Variants in SH2D3C observed in about 807,000 individuals in gnomAD.
SH2D3C encodes SH2 domain containing 3C.
Under a neutral mutation model 75.2 loss-of-function variants are expected in SH2D3C, and 25 were observed. That is an observed-to-expected ratio of 0.33 (90% confidence interval 0.24 to 0.46). The LOEUF is 0.46. SH2D3C is among the 20% of genes least tolerant of loss of function. The pLI is 1.00. For synonymous variants in SH2D3C, 450 were observed against 473.7 expected (o/e 0.95, Z 0.65); for missense variants, 933 against 1,165.3 (o/e 0.80, Z 2.90).
Position 127,745,040 on chromosome 9 carries a change from C to T in SH2D3C, c.1324G>A (p.Val442Ile). 1 of 1,511,018 alleles carries T rather than the reference C, an allele frequency of 6.6e-7. No individual in the cohort carries two copies. The allele number at this position is 1,511,018 out of a possible 1,614,324, so 93.6% of individuals were successfully genotyped here. A position where few individuals can be genotyped will look rare whatever the true frequency, so the allele number is the denominator to read the frequency against. Residue 442 changes from valine (V) to isoleucine (I), a missense_variant, in exon 7 of 12, where the codon GTC (valine) becomes ATC (isoleucine). Physicochemically the swap from Val to Ile is conservative, Grantham distance 29. Transcript: ENST00000314830. The part of the protein sequence containing the change: ...PSATALPASP[V>I]ARRSSEPQLC... Reference sequence around the variant, plus strand: ...TGGGGCTCACTGGAACGGCGGGCGACAGGGGAGGCAGGCAATGCTGTGGCA... The same window carrying T: ...TGGGGCTCACTGGAACGGCGGGCGATAGGGGAGGCAGGCAATGCTGTGGCA...
intron 2 of SH2D3C, among the ~76,000 whole-genome samples, chr9:127,763,400 T>C (rs1281284840): frequency 6.6e-6 from 1 of 152,204 alleles, no homozygotes; most frequent in Non-Finnish European, 1.5e-5. Flanking sequence ...ACACAGTGCC[T>C]GCAGGAGCTC....
rs1287795430 is a variant in SH2D3C at position 127,747,119 on chromosome 9, C to G, written c.1264+28G>C. ...AGTCTTCAACAACAGATTCCCTCCA[C>G]CTGCTCCACCCCCTCTGCTGGCCAT... On this transcript the variant is annotated intron_variant, in intron 6 of 11. Coordinates refer to ENST00000314830, the MANE Select transcript of SH2D3C (RefSeq NM_170600.3). 3 of 1,606,180 alleles carry G rather than the reference C, an allele frequency of 1.9e-6. No homozygotes were observed. The South Asian group carries it at 3.3e-5, about 18-fold the overall frequency.
chr9:127,766,461 A>G (rs942070206), intron 2 of SH2D3C, among the ~76,000 whole-genome samples: 1 of 152,236 alleles, frequency 6.6e-6, no homozygotes, highest in Non-Finnish European at 1.5e-5. Context: ...TTCCTGGCCC[A>G]TGTGGGGCTC....
Position 127,751,130 on chromosome 9 carries a change from T to A in SH2D3C, c.684+42A>T. Reference sequence around the variant, plus strand: ...GGCTGGGGCTGGCCAAGGCAGTGGGTGGGAGGGTCCCGGGTTGAAGTCCAG... The same window carrying A: ...GGCTGGGGCTGGCCAAGGCAGTGGGAGGGAGGGTCCCGGGTTGAAGTCCAG... On this transcript the variant is annotated intron_variant, in intron 4 of 11. Coordinates refer to ENST00000314830, the MANE Select transcript of SH2D3C (RefSeq NM_170600.3). The surrounding 1 kb of genome is among the most constrained non-coding windows in gnomAD (Gnocchi z 4.1). The A allele has an allele frequency of 6.2e-7, 1 of 1,608,428 alleles. No homozygotes were observed. Among genetic ancestry groups the A allele is most frequent in the Non-Finnish European group, 8.5e-7 (1 of 1,177,630 alleles).
rs556688621 is a variant in SH2D3C at position 127,777,707 on chromosome 9, G to A, written c.37+884C>T. ...CAGTGGACTGCAGAGATCGAGAGAC[G>A]CGGTGGGGAGACAAAGAGACGGATA... is the stretch of plus-strand genomic sequence containing the variant. On this transcript the variant is annotated intron_variant, in intron 1 of 11. Coordinates refer to ENST00000314830, the MANE Select transcript of SH2D3C (RefSeq NM_170600.3). Among the ~76,000 whole-genome samples the A allele has an allele frequency of 1.7e-3, 263 of 152,256 alleles. 2 individuals are homozygous for A. Among genetic ancestry groups the A allele is most frequent in the African/African-American group, 5.9e-3 (245 of 41,540 alleles).
In SH2D3C at chr9:127,767,303, T is replaced by C. The variant is rs1023171413; in HGVS notation, c.516-5653A>G. 4 of 1,437,578 alleles carry C rather than the reference T, an allele frequency of 2.8e-6. No individual in the cohort carries two copies. The African/African-American group carries it at 5.7e-5, about 21-fold the overall frequency. 89.1% of individuals were successfully genotyped at this position (1,437,578 alleles called of 1,614,324 possible). A position where few individuals can be genotyped will look rare whatever the true frequency, so the allele number is the denominator to read the frequency against. ...AAGAAGAGAGAAAAGAAAAGGCATCTACTGAGTGCTAGTGGATGAGGGAAC... is the reference window on the plus strand; with the variant it reads ...AAGAAGAGAGAAAAGAAAAGGCATCCACTGAGTGCTAGTGGATGAGGGAAC... On this transcript the variant is annotated intron_variant, in intron 2 of 11. Coordinates refer to ENST00000314830, the MANE Select transcript of SH2D3C (RefSeq NM_170600.3).
Position 127,751,283 on chromosome 9 carries a change from G to A in SH2D3C, c.573C>T (p.Tyr191=). The A allele has an allele frequency of 6.2e-7, 1 of 1,613,800 alleles. No individual in the cohort carries two copies. The highest frequency in any genetic ancestry group is 1.1e-5 in the South Asian group (1 of 91,076). ...SDYVKFSKEK[Y]ILDSSPEKLH... ...GTTTCTCTGGCGATGAGTCCAGGATGTACTTCTCCTTGGAGAACTGGGTAG... is the reference window on the plus strand; with the variant it reads ...GTTTCTCTGGCGATGAGTCCAGGATATACTTCTCCTTGGAGAACTGGGTAG... The change falls in exon 4 of 12, where the codon TAC becomes TAT. Residue 191 remains tyrosine, a synonymous_variant. Coordinates refer to ENST00000314830, the MANE Select transcript of SH2D3C (RefSeq NM_170600.3). This position sits in a 1 kb window ranked among gnomAD's most constrained non-coding sequence, Gnocchi z 4.1.
rs1844865775 is a variant in SH2D3C at position 127,741,818 on chromosome 9, C to T, written c.2058G>A (p.Ala686=). The stretch of plus-strand genomic sequence containing the variant: ...CCATGTCCAGGGCACCCATGACCGC[C>T]GCGAAGCTGAACATGTTGCCCATAG... ...RGTMGNMFSF[A]AVMGALDMAQ... Residue 686 remains alanine, a synonymous_variant, in exon 9 of 12, where the codon GCG becomes GCA. Coordinates refer to ENST00000314830, the MANE Select transcript of SH2D3C (RefSeq NM_170600.3). 6.2e-7 allele frequency: 1 copy of T among 1,613,198 alleles called. No homozygotes were observed. The highest frequency in any genetic ancestry group is 8.5e-7 in the Non-Finnish European group (1 of 1,180,022).
intron 2 of SH2D3C, among the ~76,000 whole-genome samples, chr9:127,773,524 A>G (rs57550595): frequency 0.034 from 5,210 of 152,282 alleles, 304 homozygotes; most frequent in African/African-American, 0.12. Context: ...GGAAACAGTA[A>G]CAGTCTCTCC....
intron 2 of SH2D3C, among the ~76,000 whole-genome samples, chr9:127,767,756 C>T (rs1011526339): frequency 3.3e-5 from 5 of 152,216 alleles, no homozygotes; most frequent in Admixed American, 6.5e-5. Context: ...TGACATATCC[C>T]GTCCTCACAG....
At chr9:127,743,402 T>G (rs35000896) in intron 7 of SH2D3C, among the ~76,000 whole-genome samples, 2 of 151,972 alleles carry the variant, frequency 1.3e-5, no homozygotes, top group Non-Finnish European at 2.9e-5. Context: ...ACTCGGGAGG[T>G]TGGGGCAGGA....
In SH2D3C at chr9:127,751,983, C is replaced by T. The variant is rs1363834092; in HGVS notation, c.556-683G>A. ...GCATTGCCCCTTACAATTTCCAAGG[C>T]CATTTCTCCCTTGAAATCCTCAGCA... is the stretch of plus-strand genomic sequence containing the variant. On this transcript the variant is annotated intron_variant, in intron 3 of 11. Transcript: ENST00000314830. The surrounding 1 kb of genome is among the most constrained non-coding windows in gnomAD (Gnocchi z 4.1). 6.6e-6 allele frequency among the ~76,000 whole-genome samples: 1 copy of T among 152,152 alleles called. No homozygotes were observed. The highest frequency in any genetic ancestry group is 1.5e-5 in the Non-Finnish European group (1 of 68,022).
chr9:127,761,959 C>T (rs541365293), intron 2 of SH2D3C, among the ~76,000 whole-genome samples: 19 of 152,330 alleles, frequency 1.2e-4, no homozygotes, highest in South Asian at 8.3e-4. Flanking sequence ...ATTATGGAGT[C>T]TGCTTCCCAA....
chr9:127,753,780 T>C (rs1333997735), intron 3 of SH2D3C, among the ~76,000 whole-genome samples: 1 of 152,206 alleles, frequency 6.6e-6, no homozygotes, highest in Non-Finnish European at 1.5e-5. Flanking sequence ...TCTGGCGTCC[T>C]CCTTGACAAA....
chr9:127,742,978 C>T lies in SH2D3C; in HGVS notation c.1801-14G>A. The T allele has an allele frequency of 1.3e-6, 2 of 1,596,404 alleles. No individual in the cohort carries two copies. Among genetic ancestry groups the T allele is most frequent in the East Asian group, 4.5e-5 (2 of 44,730 alleles). ...TATCCTAGCAACCTGCAAAGACGCC[C>T]AGAGGGCTGATTAATATCCTGTCAG... On this transcript the variant is annotated splice_polypyrimidine_tract_variant and intron_variant, in intron 7 of 11. Transcript: ENST00000314830.
intron 3 of SH2D3C, 47 bp downstream of exon 3, chr9:127,761,564 T>G: frequency 7.0e-7 from 1 of 1,432,528 alleles, no homozygotes; most frequent in Non-Finnish European, 9.8e-7. Context: ...GAGCAGGCTC[T>G]GAGACCTTCA....
At position 127,744,860 on chromosome 9, in the gene SH2D3C, C is replaced by T. The variant is rs200983289; in HGVS notation, c.1504G>A (p.Val502Met). ...SGHYCQLQPPVRGSREWAATE... is the reference protein window; with the variant it reads ...SGHYCQLQPPMRGSREWAATE... ...GCTGCCCACTCTCGGCTGCCACGCA[C>T]GGGAGGCTGGAGCTGGCAGTAGTGG... The change falls in exon 7 of 12, where the codon GTG becomes ATG. Residue 502 changes from valine (V) to methionine (M), a missense_variant. Val to Met is a conservative substitution (Grantham distance 21, BLOSUM62 1). Transcript: ENST00000314830. 534 of 1,614,022 alleles carry T rather than the reference C, an allele frequency of 3.3e-4. No individual in the cohort carries two copies. Among genetic ancestry groups the T allele is most frequent in the South Asian group, 4.8e-4 (44 of 91,060 alleles).
rs1370106470 is a variant in SH2D3C at position 127,749,563 on chromosome 9, A to G, written c.787T>C (p.Leu263=). 6.2e-7 allele frequency: 1 copy of G among 1,612,660 alleles called. No homozygotes were observed. Among genetic ancestry groups the G allele is most frequent in the African/African-American group, 1.3e-5 (1 of 74,874 alleles). ...ACCACCTTGTTGATCTTGAAGTGCA[A>G]GGCCTGGTTGCGCCAGCGGCACGTG... ...VLTCRWRNQA[L]HFKINKVVVK... Residue 263 remains leucine, a synonymous_variant, in exon 5 of 12, where the codon TTG becomes CTG. Transcript: ENST00000314830. The surrounding 1 kb of genome is among the most constrained non-coding windows in gnomAD (Gnocchi z 5.9).
In SH2D3C at chr9:127,774,588, AC is replaced by A; in HGVS notation, c.38-122del. The A allele has an allele frequency of 3.2e-6, 2 of 628,610 alleles. No individual in the cohort carries two copies. The highest frequency in any genetic ancestry group is 2.8e-6 in the Non-Finnish European group (1 of 353,600). The allele number at this position is 628,610 out of a possible 1,614,324, so 38.9% of individuals were successfully genotyped here. A position where few individuals can be genotyped will look rare whatever the true frequency, so the allele number is the denominator to read the frequency against. ...GAAGAGGGCTGGCGGTTTCCCAGAC[AC>A]CCCTTCTAAAATTGTTAACACGCCC... On this transcript the variant is annotated intron_variant, in intron 1 of 11. Coordinates refer to ENST00000314830, the MANE Select transcript of SH2D3C (RefSeq NM_170600.3). This position sits in a 1 kb window ranked among gnomAD's most constrained non-coding sequence, Gnocchi z 4.3.
Sources: allele counts gnomAD v4.1 joint callset (sites outside exome capture counted in the v4.1 genomes callset), GRCh38; gene constraint gnomAD v4.1.1; non-coding constraint Gnocchi (gnomAD v3.1); transcripts MANE v1.5; gene names NCBI Gene and HGNC (gene_info 2026-07-23, HGNC 2026-07-21).